Variants in GTF2H1 observed in about 807,000 individuals in gnomAD.
GTF2H1 encodes general transcription factor IIH subunit 1.
In GTF2H1, 16 loss-of-function variants were observed where a neutral mutation model predicts 71.2. The ratio of observed to expected loss-of-function variants is 0.22; its 90% CI spans 0.15 to 0.34. The LOEUF (loss-of-function observed/expected upper bound fraction) is 0.34. Ranked by LOEUF, GTF2H1 falls within the 10% of genes least tolerant of loss-of-function variation. GTF2H1 has a pLI of 1.00. For missense variants in GTF2H1, 498 were observed against 648.2 expected, an observed-to-expected ratio of 0.77 and a Z score of 2.52; for synonymous variants, 215 against 219.0, an observed-to-expected ratio of 0.98 and a Z score of 0.16.
intron 9 of GTF2H1, 65 bp from the exon 10 acceptor site, chr11:18,351,816 C>T: frequency 1.2e-6 from 1 of 867,884 alleles, no homozygotes; most frequent in Non-Finnish European, 1.9e-6. Flanking sequence ...TTTGTTTTTT[C>T]AGTCATGTTT....
intron 9 of GTF2H1, among the ~76,000 whole-genome samples, chr11:18,350,934 G>A (rs1216201061): frequency 1.3e-5 from 2 of 152,164 alleles, no homozygotes; most frequent in African/African-American, 4.8e-5. Context: ...TACTAAAAGA[G>A]TCCAGAAGTA....
At chr11:18,365,079 A>G (rs1865788467) in intron 14 of GTF2H1, among the ~76,000 whole-genome samples, 1 of 147,992 alleles carries the variant, frequency 6.8e-6, no homozygotes, top group South Asian at 2.1e-4. Flanking sequence ...TTTAAAAAAG[A>G]AAAAAAAAAA....
In GTF2H1 at chr11:18,356,756, A is replaced by C. The variant is rs376729657; in HGVS notation, c.1261-1196A>C. On this transcript the variant is annotated intron_variant, in intron 11 of 14. Coordinates refer to ENST00000265963, the MANE Select transcript of GTF2H1 (RefSeq NM_005316.4). ...TAAGCCACCATGCCCAGCTCTCCCC[A>C]TGTAATTTTTTTACACTGTAGTCAA... 2.6e-4 allele frequency among the ~76,000 whole-genome samples: 38 copies of C among 144,300 alleles called. No homozygotes were observed. The East Asian group carries it at 6.9e-3, about 26-fold the overall frequency. The allele number at this position is 144,300 out of a possible 152,430, so 94.7% of individuals were successfully genotyped here.
chr11:18,326,250 G>C (rs927817205), intron 1 of GTF2H1: 3 of 152,188 alleles, frequency 2.0e-5, no homozygotes, highest in African/African-American at 7.2e-5. Flanking sequence ...GGCTGGGCGT[G>C]GTGGCTCACG....
chr11:18,335,049 C>G (rs1474833533), intron 2 of GTF2H1, among the ~76,000 whole-genome samples: 1 of 152,144 alleles, frequency 6.6e-6, no homozygotes, highest in Non-Finnish European at 1.5e-5. Context: ...TGTCAAATAT[C>G]AAACATTCTG....
intron 7 of GTF2H1, 161 bp from the exon 8 acceptor site, chr11:18,347,427 T>C (rs185017664): frequency 1.8e-6 from 1 of 550,084 alleles, no homozygotes; most frequent in East Asian, 2.9e-5. Flanking sequence ...ATCTTTTATG[T>C]GCATAATGTC....
intron 7 of GTF2H1, among the ~76,000 whole-genome samples, chr11:18,345,278 G>C (rs1051152030): frequency 6.6e-6 from 1 of 152,050 alleles, no homozygotes; most frequent in Non-Finnish European, 1.5e-5. Flanking sequence ...CACAAATTCA[G>C]TCACTTCATC....
intron 9 of GTF2H1, among the ~76,000 whole-genome samples, chr11:18,349,453 T>C (rs1865377543): frequency 6.6e-6 from 1 of 152,066 alleles, no homozygotes; most frequent in Non-Finnish European, 1.5e-5. Flanking sequence ...GAGTCCAAGG[T>C]GGGTGGATCA....
intron 12 of GTF2H1, 31 bp downstream of exon 12, chr11:18,358,073 T>C (rs1865604956): frequency 6.7e-7 from 1 of 1,496,354 alleles, no homozygotes; most frequent in South Asian, 1.2e-5. Flanking sequence ...TACTACTTTC[T>C]GCCTAAATCA....
intron 9 of GTF2H1, among the ~76,000 whole-genome samples, chr11:18,350,422 G>C (rs1193797110): frequency 3.1e-5 from 4 of 129,962 alleles, no homozygotes; most frequent in Non-Finnish European, 6.7e-5. Context: ...GAAAGGTATA[G>C]AGTTGAGAAA....
chr11:18,349,889 G>T (rs189599694), intron 9 of GTF2H1, among the ~76,000 whole-genome samples: 1 of 152,142 alleles, frequency 6.6e-6, no homozygotes, highest in East Asian at 1.9e-4. Flanking sequence ...TTAGCCTGTA[G>T]TTGGGCAGCA....
intron 14 of GTF2H1, among the ~76,000 whole-genome samples, chr11:18,363,351 C>T (rs565645864): frequency 4.6e-5 from 7 of 152,102 alleles, no homozygotes; most frequent in Non-Finnish European, 1.0e-4. Context: ...TACTTTTATA[C>T]AGCTGGCTAC....
intron 9 of GTF2H1, chr11:18,348,703 C>T (rs1322402323): frequency 6.6e-6 from 1 of 152,042 alleles, no homozygotes. Context: ...GATAATATTG[C>T]ATCAAAGAGT....
intron 14 of GTF2H1, among the ~76,000 whole-genome samples, chr11:18,365,093 C>T (rs1187709064): frequency 1.6e-5 from 2 of 127,254 alleles, no homozygotes; most frequent in African/African-American, 6.7e-5. Context: ...AAAAAAAAAA[C>T]CTGGCCGGGC....
intron 2 of GTF2H1, among the ~76,000 whole-genome samples, chr11:18,335,105 C>T (rs1469584241): frequency 6.6e-6 from 1 of 152,076 alleles, no homozygotes; most frequent in African/African-American, 2.4e-5. Flanking sequence ...TTCCTGTATA[C>T]CTGTATTTTT....
intron 9 of GTF2H1, chr11:18,348,236 A>G (rs548529021): frequency 2.4e-5 from 10 of 410,252 alleles, no homozygotes; most frequent in Middle Eastern, 6.0e-4. Flanking sequence ...TCTTCATTCA[A>G]CAGAGGCAAT....
intron 5 of GTF2H1, among the ~76,000 whole-genome samples, 153 bp downstream of exon 5, chr11:18,339,810 G>A (rs1386936408): frequency 1.3e-5 from 2 of 152,036 alleles, no homozygotes; most frequent in Non-Finnish European, 2.9e-5. Flanking sequence ...AGATACTAGG[G>A]GCTCAGTAAA....
chr11:18,360,149 A>C (rs1451113529), intron 13 of GTF2H1, among the ~76,000 whole-genome samples: 2 of 150,408 alleles, frequency 1.3e-5, no homozygotes, highest in Non-Finnish European at 3.0e-5. Context: ...TTTGAGATGG[A>C]GTCTCACTCT....
At chr11:18,326,305 C>T (rs981930529) in intron 1 of GTF2H1, among the ~76,000 whole-genome samples, 12 of 151,826 alleles carry the variant, frequency 7.9e-5, no homozygotes, top group Non-Finnish European at 1.5e-4. Flanking sequence ...GCAGATCACC[C>T]GAGGTCAGGA....
Sources: gnomAD v4.1 joint callset for allele counts (sites outside exome capture counted in the v4.1 genomes callset) on GRCh38, gnomAD v4.1.1 for gene constraint, MANE v1.5 for transcripts, NCBI Gene and HGNC (gene_info 2026-07-23, HGNC 2026-07-21) for gene names.